SLCO3A1: variants seen among roughly 807,000 people sequenced by gnomAD.
SLCO3A1 encodes the protein solute carrier organic anion transporter family member 3A1.
A neutral mutation model predicts 63.1 loss-of-function variants in SLCO3A1; 27 were observed. The ratio of observed to expected loss-of-function variants is 0.43; its 90% CI spans 0.32 to 0.59. SLCO3A1 has a LOEUF of 0.59. SLCO3A1 is among the 20% of genes least tolerant of loss of function. The pLI is 0.09. For missense variants in SLCO3A1, 773 were observed against 945.8 expected, an observed-to-expected ratio of 0.82 and a Z score of 2.40; for synonymous variants, 473 against 409.9, an observed-to-expected ratio of 1.15 and a Z score of -1.86.
chr15:91,989,058 G>A (rs2046091836), intron 2 of SLCO3A1, among the ~76,000 whole-genome samples: 1 of 152,132 alleles, frequency 6.6e-6, no homozygotes. Context: ...TTCTTGAATT[G>A]GTTCATCTCC....
rs1897641009 is a variant in SLCO3A1 at position 91,883,270 on chromosome 15, T to G, written c.180+29182T>G. On this transcript the variant is annotated intron_variant, in intron 1 of 9. Transcript: ENST00000318445. The surrounding 1 kb of genome is among the most constrained non-coding windows in gnomAD (Gnocchi z 4.8). ...TCTTCCTGTGTGAAGTCAGCTTGTT[T>G]GGAGAGTGAAGAGAGAAACTTGGCA... 6.6e-6 allele frequency among the ~76,000 whole-genome samples: 1 copy of G among 152,210 alleles called. No individual in the cohort carries two copies. Among genetic ancestry groups the G allele is most frequent in the Admixed American group, 6.5e-5 (1 of 15,282 alleles).
intron 2 of SLCO3A1, among the ~76,000 whole-genome samples, chr15:92,074,156 A>T (rs1428241083): frequency 6.6e-6 from 1 of 152,230 alleles, no homozygotes; most frequent in Non-Finnish European, 1.5e-5. Flanking sequence ...GGGCGACAAG[A>T]GTGAAACTCC....
At chr15:92,036,798 G>C (rs575878165) in intron 2 of SLCO3A1, among the ~76,000 whole-genome samples, 1 of 152,070 alleles carries the variant, frequency 6.6e-6, no homozygotes, top group African/African-American at 2.4e-5. Flanking sequence ...CCCAAATCTC[G>C]TGGTAATTAC....
Position 91,989,906 on chromosome 15 carries a change from G to T in SLCO3A1, c.646+73448G>T, listed in dbSNP as rs116610704. On this transcript the variant is annotated intron_variant, in intron 2 of 9. Coordinates refer to ENST00000318445, the MANE Select transcript of SLCO3A1 (RefSeq NM_013272.4). ...ACTTGGGGAAATATTTGCCAAGAGA[G>T]TAGAAAGATTATGAGAATGAAAACT... Among the ~76,000 whole-genome samples the T allele has an allele frequency of 5.2e-3, 792 of 152,310 alleles. 9 individuals carry two copies. Among genetic ancestry groups the T allele is most frequent in the African/African-American group, 0.018 (735 of 41,560 alleles).
Position 91,862,129 on chromosome 15 carries a change from A to G in SLCO3A1, c.180+8041A>G, listed in dbSNP as rs937840199. ...GGTAATGGACTCAGAGAGCCCACTGACTGTAATGATGAAGTCTTATTTTTT... is the reference window on the plus strand; with the variant it reads ...GGTAATGGACTCAGAGAGCCCACTGGCTGTAATGATGAAGTCTTATTTTTT... On this transcript the variant is annotated intron_variant, in intron 1 of 9. Transcript: ENST00000318445. This position sits in a 1 kb window ranked among gnomAD's most constrained non-coding sequence, Gnocchi z 4.0. 1.3e-5 allele frequency among the ~76,000 whole-genome samples: 2 copies of G among 151,878 alleles called. No homozygotes were observed. Among genetic ancestry groups the G allele is most frequent in the African/African-American group, 4.8e-5 (2 of 41,330 alleles).
chr15:92,049,373 G>T (rs545460409), intron 2 of SLCO3A1, among the ~76,000 whole-genome samples: 1 of 152,130 alleles, frequency 6.6e-6, no homozygotes. Flanking sequence ...TTCAATAAGC[G>T]GTGTGTGTTC....
intron 2 of SLCO3A1, among the ~76,000 whole-genome samples, chr15:91,975,927 G>A (rs972267359): frequency 1.3e-5 from 2 of 152,224 alleles, no homozygotes; most frequent in African/African-American, 4.8e-5. Flanking sequence ...ACTGAGCCCT[G>A]CAGTCCTCTT....
At position 92,033,700 on chromosome 15, in the gene SLCO3A1, G is replaced by A. The variant is rs2046684601; in HGVS notation, c.647-61181G>A. Among the ~76,000 whole-genome samples, 1 of 152,174 alleles carries A rather than the reference G, an allele frequency of 6.6e-6. No homozygotes were observed. The highest frequency in any genetic ancestry group is 1.9e-4 in the East Asian group (1 of 5,200). On this transcript the variant is annotated intron_variant, in intron 2 of 9. Coordinates refer to ENST00000318445, the MANE Select transcript of SLCO3A1 (RefSeq NM_013272.4). This position sits in a 1 kb window ranked among gnomAD's most constrained non-coding sequence, Gnocchi z 4.5. The stretch of plus-strand genomic sequence containing the variant: ...ACAGTAAACAATATAACTAAGAAGA[G>A]TAGGTGGTGGCTCGCTGGTGGCAAA...
At chr15:92,160,741 TCATAGGGTAG>T (rs759474911) in intron 9 of SLCO3A1, among the ~76,000 whole-genome samples, 2 of 152,016 alleles carry the variant, frequency 1.3e-5, no homozygotes, top group African/African-American at 2.4e-5. Context: ...TCATTAGCAC[TCATAGGGTAG>T]CAAAGCCCCG....
At chr15:92,073,079 A>G (rs1043435959) in intron 2 of SLCO3A1, among the ~76,000 whole-genome samples, 8 of 152,096 alleles carry the variant, frequency 5.3e-5, no homozygotes, top group Non-Finnish European at 1.5e-5. Context: ...GCCATGCACC[A>G]AGGATCCAAA....
At chr15:92,061,251 G>C (rs971711428) in intron 2 of SLCO3A1, among the ~76,000 whole-genome samples, 2 of 152,270 alleles carry the variant, frequency 1.3e-5, no homozygotes, top group Non-Finnish European at 1.5e-5. Context: ...GGGGTGTTTA[G>C]AGGCTGACTG....
At chr15:91,907,869 C>A (rs1368029266) in intron 1 of SLCO3A1, among the ~76,000 whole-genome samples, 1 of 152,162 alleles carries the variant, frequency 6.6e-6, no homozygotes, top group African/African-American at 2.4e-5. Context: ...CTCTCACTCG[C>A]AGACTAGGTG....
At chr15:92,109,999 C>A (rs2047709859) in intron 4 of SLCO3A1, among the ~76,000 whole-genome samples, 1 of 152,070 alleles carries the variant, frequency 6.6e-6, no homozygotes, top group African/African-American at 2.4e-5. Flanking sequence ...CTAAATTGTT[C>A]ATAAACTGAC....
At chr15:91,902,273 T>C (rs1597104371) in intron 1 of SLCO3A1, among the ~76,000 whole-genome samples, 1 of 152,292 alleles carries the variant, frequency 6.6e-6, no homozygotes, top group East Asian at 1.9e-4. Flanking sequence ...CATAGTTCAC[T>C]GAAACCTCAA....
At chr15:92,093,079 A>G (rs1350474813) in intron 2 of SLCO3A1, among the ~76,000 whole-genome samples, 2 of 152,244 alleles carry the variant, frequency 1.3e-5, no homozygotes, top group Non-Finnish European at 2.9e-5. Context: ...AGCCCCGTTC[A>G]AATGACTGCT....
At chr15:92,077,694 C>T (rs955640801) in intron 2 of SLCO3A1, among the ~76,000 whole-genome samples, 2 of 152,206 alleles carry the variant, frequency 1.3e-5, no homozygotes, top group Non-Finnish European at 2.9e-5. Context: ...CACTAAAGCT[C>T]AGTTCTGTCT....
At chr15:92,094,377 G>A (rs1349774875) in intron 2 of SLCO3A1, among the ~76,000 whole-genome samples, 1 of 152,216 alleles carries the variant, frequency 6.6e-6, no homozygotes, top group Non-Finnish European at 1.5e-5. Context: ...GTTATTTGCT[G>A]AATTTCGGAG....
At chr15:92,045,481 T>A (rs891960227) in intron 2 of SLCO3A1, among the ~76,000 whole-genome samples, 6 of 152,196 alleles carry the variant, frequency 3.9e-5, no homozygotes, top group African/African-American at 7.2e-5. Flanking sequence ...ACTGATATTA[T>A]GCTATTTATC....
chr15:92,165,361 AT>A lies in SLCO3A1; in HGVS notation c.*2227del, dbSNP rs776143048. On this transcript the variant is annotated 3_prime_UTR_variant, in exon 10 of 10. Transcript: ENST00000318445. ...TTCTGTTGTTCCTAAGGCTTTGATAATATCCTGTACAGATTTTGGTTTAGTT... is the reference window on the plus strand; with the variant it reads ...TTCTGTTGTTCCTAAGGCTTTGATAAATCCTGTACAGATTTTGGTTTAGTT... 45 of 985,082 alleles carry A rather than the reference AT, an allele frequency of 4.6e-5. No homozygotes were observed. The highest frequency in any genetic ancestry group is 5.1e-5 in the Non-Finnish European group (42 of 829,724). The allele number at this position is 985,082 out of a possible 1,614,324, so 61.0% of individuals were successfully genotyped here.
Sources: allele counts gnomAD v4.1 joint callset (sites outside exome capture counted in the v4.1 genomes callset), GRCh38; gene constraint gnomAD v4.1.1; non-coding constraint Gnocchi (gnomAD v3.1); transcripts MANE v1.5; gene names NCBI Gene and HGNC (gene_info 2026-07-23, HGNC 2026-07-21).